The following ANKRD26 variants were observed in gnomAD, a reference collection of about 807,000 sequenced individuals.
ANKRD26 encodes ankyrin repeat domain-containing protein 26.
A neutral mutation model predicts 208.7 loss-of-function variants in ANKRD26; 141 were observed. The ratio of observed to expected loss-of-function variants is 0.68; its 90% CI spans 0.59 to 0.78. ANKRD26 has a LOEUF of 0.78. Among genes scored for constraint, ANKRD26 ranks in the 30% least tolerant of loss-of-function variants. ANKRD26 has a pLI of 0.00. For synonymous variants in ANKRD26, 636 were observed against 660.4 expected, an observed-to-expected ratio of 0.96 and a Z score of 0.57; for missense variants, 1,889 against 1,938.7, an observed-to-expected ratio of 0.97 and a Z score of 0.48.
the ANKRD26 span, among the ~76,000 whole-genome samples, chr10:26,957,313 C>T: frequency 3.9e-5 from 6 of 151,978 alleles, no homozygotes; most frequent in South Asian, 2.1e-4. Context: ...TCTTGAACCT[C>T]GGAGGCAGAG....
chr10:27,008,845 T>C (rs1197103661), intron 32 of ANKRD26, among the ~76,000 whole-genome samples: 1 of 152,012 alleles, frequency 6.6e-6, no homozygotes, highest in Admixed American at 6.6e-5. Context: ...CTTGAATTTA[T>C]TTTTTTTCTT....
chr10:27,022,715 C>A, intron 28 of ANKRD26, 28 bp from the exon 29 acceptor site: 1 of 1,563,350 alleles, frequency 6.4e-7, no homozygotes, highest in South Asian at 1.1e-5. Flanking sequence ...ATGAGTAACT[C>A]AAGTTTTAAA....
intron 22 of ANKRD26, 110 bp downstream of exon 22, chr10:27,037,761 A>G: frequency 2.2e-6 from 2 of 892,364 alleles, no homozygotes; most frequent in South Asian, 1.7e-5. Flanking sequence ...GGTCAGCTTG[A>G]GATAACAGTT....
intron 15 of ANKRD26, among the ~76,000 whole-genome samples, chr10:27,053,742 C>A (rs1413059994): frequency 1.3e-5 from 2 of 152,176 alleles, no homozygotes; most frequent in Non-Finnish European, 2.9e-5. Context: ...TCAACCCATA[C>A]AAACATCTCA....
chr10:26,991,074 A>C (rs374522145), downstream of ANKRD26, among the ~76,000 whole-genome samples: 225 of 152,248 alleles, frequency 1.5e-3, no homozygotes, highest in African/African-American at 5.1e-3. Context: ...TTTATAGCAA[A>C]ATAAACCTCA....
chr10:27,065,288 C>A (rs567682712), intron 11 of ANKRD26, among the ~76,000 whole-genome samples: 1 of 152,222 alleles, frequency 6.6e-6, no homozygotes, highest in Non-Finnish European at 1.5e-5. Flanking sequence ...ACTAGTAGAG[C>A]ATAAGCCCCC....
In ANKRD26 at chr10:27,004,909, T is replaced by C; in HGVS notation, c.*681A>G. ...CTGATTGCAAGGTTTGCACTGTAGT[T>C]ATGTAGAATGTCCTGACTTGTAGGA... On this transcript the variant is annotated 3_prime_UTR_variant, in exon 34 of 34. Transcript: ENST00000376087. 5.2e-6 allele frequency: 2 copies of C among 385,418 alleles called. No homozygotes were observed. Among genetic ancestry groups the C allele is most frequent in the Non-Finnish European group, 7.1e-6 (2 of 281,736 alleles). The allele number at this position is 385,418 out of a possible 1,614,324, so 23.9% of individuals were successfully genotyped here.
intron 19 of ANKRD26, 123 bp downstream of exon 19, chr10:27,044,034 T>G (rs894083167): frequency 7.1e-6 from 5 of 704,162 alleles, no homozygotes; most frequent in Non-Finnish European, 1.0e-5. Context: ...AGTCAAGCAA[T>G]CCTCCCGCTT....
At chr10:27,028,443 A>G (rs958999518) in intron 27 of ANKRD26, among the ~76,000 whole-genome samples, 2 of 151,728 alleles carry the variant, frequency 1.3e-5, no homozygotes, top group African/African-American at 4.8e-5. Flanking sequence ...AAAAATACAA[A>G]AAAATTAACC....
chr10:27,001,158 T>TTCTC (rs1298183206), downstream of ANKRD26, among the ~76,000 whole-genome samples: 1 of 152,230 alleles, frequency 6.6e-6, no homozygotes, highest in African/African-American at 2.4e-5. Flanking sequence ...TGGAGTCCTA[T>TTCTC]TCTCCTTTCT....
intron 4 of ANKRD26, among the ~76,000 whole-genome samples, chr10:27,089,126 C>T (rs1177449390): frequency 6.6e-6 from 1 of 152,178 alleles, no homozygotes; most frequent in Admixed American, 6.5e-5. Context: ...ATCCTTGTAG[C>T]AAAGGTCAAT....
At chr10:27,044,124 A>G in intron 19 of ANKRD26, 33 bp downstream of exon 19, 8 of 1,315,862 alleles carry the variant, frequency 6.1e-6, no homozygotes, top group Non-Finnish European at 8.2e-6. Flanking sequence ...ATTTTTTTAA[A>G]CAATAATTTT....
downstream of ANKRD26, among the ~76,000 whole-genome samples, chr10:26,973,228 T>C (rs1240464001): frequency 6.6e-6 from 1 of 152,190 alleles, no homozygotes; most frequent in East Asian, 1.9e-4. Flanking sequence ...AATTAATTTG[T>C]CACTTTCTTT....
At chr10:27,072,462 C>T (rs918513397) in intron 9 of ANKRD26, among the ~76,000 whole-genome samples, 6 of 152,140 alleles carry the variant, frequency 3.9e-5, no homozygotes, top group African/African-American at 1.4e-4. Context: ...GTGGACTGGC[C>T]TCACCCAGCC....
the ANKRD26 span, among the ~76,000 whole-genome samples, chr10:26,965,379 G>A: frequency 6.6e-6 from 1 of 152,084 alleles, no homozygotes; most frequent in African/African-American, 2.4e-5. Context: ...CAAGAAATGG[G>A]GAAAGGATTC....
At chr10:26,980,295 A>G (rs781032042) in intron 5 of ANKRD26, among the ~76,000 whole-genome samples, 1 of 152,202 alleles carries the variant, frequency 6.6e-6, no homozygotes, top group Non-Finnish European at 1.5e-5. Flanking sequence ...TGTCTTCTGA[A>G]CTTTTGGGGA....
intron 5 of ANKRD26, among the ~76,000 whole-genome samples, chr10:26,992,637 T>A (rs2052511185): frequency 7.2e-5 from 11 of 152,150 alleles, no homozygotes; most frequent in Admixed American, 6.6e-4. Context: ...CTAGCCTTTT[T>A]GGTTGCATGT....
At chr10:27,051,393 C>G in intron 16 of ANKRD26, 1 of 1,200,172 alleles carries the variant, frequency 8.3e-7, no homozygotes, top group South Asian at 1.6e-5. Flanking sequence ...ATCAAAAGGT[C>G]TTTTTGGATC....
chr10:26,995,248 A>G, intron 4 of ANKRD26: 1 of 460,938 alleles, frequency 2.2e-6, no homozygotes, highest in Non-Finnish European at 4.5e-6. Context: ...ACAGGTGTTG[A>G]GTTATGATGA....
Sources: gnomAD v4.1 joint callset for allele counts (sites outside exome capture counted in the v4.1 genomes callset) on GRCh38, gnomAD v4.1.1 for gene constraint, MANE v1.5 for transcripts, NCBI Gene and HGNC (gene_info 2026-07-23, HGNC 2026-07-21) for gene names.